The following TMEM67 variants were observed in gnomAD, a reference collection of about 807,000 sequenced individuals.
TMEM67 encodes the protein transmembrane protein 67.
Under a neutral mutation model 136.6 loss-of-function variants are expected in TMEM67, and 124 were observed. The ratio of observed to expected loss-of-function variants is 0.91; its 90% confidence interval spans 0.78 to 1.05. The LOEUF (loss-of-function observed/expected upper bound fraction) is 1.05. TMEM67 is among the 50% of genes least tolerant of loss of function. TMEM67 has a pLI of 0.00. For missense variants in TMEM67, 1,107 were observed against 1,178.4 expected, an observed-to-expected ratio of 0.94 and a Z score of 0.89; for synonymous variants, 364 against 390.5, an observed-to-expected ratio of 0.93 and a Z score of 0.80.
At chr8:93,819,505 C>CAT (rs1393567209), downstream of TMEM67, among the ~76,000 whole-genome samples, 1 of 152,144 alleles carries the variant, frequency 6.6e-6, no homozygotes, top group East Asian at 1.9e-4. Context: ...CCCAGCCCCT[C>CAT]AGAAGGGTCT....
rs1813040107 is a variant in TMEM67, at chr8:93,765,459, C to T, written c.560C>T (p.Ser187Leu). The change falls in exon 5 of 28, where the codon TCA (serine) becomes TTA (leucine). Residue 187 changes from serine to leucine, a missense_variant. By Grantham distance (145) the Ser-to-Leu change is moderately radical (BLOSUM62 -2). This residue lies in a region of TMEM67 where 925 missense variants were observed against 1,002.4 expected (regional missense o/e 0.92). Coordinates refer to ENST00000453321, the MANE Select transcript of TMEM67 (RefSeq NM_153704.6). ...AATACCAGCAGGTCCTGTGCATGTT[C>T]AGAACCTAACATTTTAGTAAGGCTA... ...FVNTSRSCAC[S>L]EPNILTGGLC... 6.2e-7 allele frequency: 1 copy of T among 1,611,990 alleles called. No individual in the cohort carries two copies. Among genetic ancestry groups the T allele is most frequent in the Non-Finnish European group, 8.5e-7 (1 of 1,179,696 alleles).
At chr8:93,819,203 C>G (rs1809002960), downstream of TMEM67, 1 of 439,062 alleles carries the variant, frequency 2.3e-6, no homozygotes, top group African/African-American at 2.1e-5. Context: ...ATATTTTTTT[C>G]TTGCTAATAA....
chr8:93,777,624 C>T (rs1319066591), intron 7 of TMEM67, among the ~76,000 whole-genome samples: 1 of 152,158 alleles, frequency 6.6e-6, no homozygotes, highest in Non-Finnish European at 1.5e-5. Context: ...AGTAGTCATT[C>T]AGGAGCAAGT....
intron 14 of TMEM67, among the ~76,000 whole-genome samples, chr8:93,789,276 A>G (rs1329982940): frequency 6.6e-6 from 1 of 152,146 alleles, no homozygotes; most frequent in Non-Finnish European, 1.5e-5. Context: ...AAGACTTTCC[A>G]TCCTCATTTG....
At chr8:93,755,422 A>G (rs1053129372) in intron 1 of TMEM67, among the ~76,000 whole-genome samples, 3 of 152,244 alleles carry the variant, frequency 2.0e-5, no homozygotes, top group Non-Finnish European at 1.5e-5. Flanking sequence ...TGGTAGCAGC[A>G]TAATACCAGC....
rs1377461076 is a variant in TMEM67 at position 93,808,937 on chromosome 8, T to C, written c.2537T>C (p.Ile846Thr). ...CAGATGAGACAACATTATGACAGAA[T>C]TCATGAGACACTAATAAGGGTTTGT... is the stretch of plus-strand genomic sequence containing the variant. ...SNQMRQHYDR[I>T]HETLIRKNGP... The change falls in exon 24 of 28, where the codon ATT becomes ACT. Residue 846 changes from isoleucine (I) to threonine (T), a missense_variant. Coordinates refer to ENST00000453321, the MANE Select transcript of TMEM67 (RefSeq NM_153704.6). 6.2e-7 allele frequency: 1 copy of C among 1,605,962 alleles called. No individual in the cohort carries two copies. Among genetic ancestry groups the C allele is most frequent in the Non-Finnish European group, 8.5e-7 (1 of 1,172,908 alleles).
At chr8:93,793,452 T>C (rs1365878513) in intron 16 of TMEM67, among the ~76,000 whole-genome samples, 156 bp downstream of exon 16, 4 of 152,228 alleles carry the variant, frequency 2.6e-5, no homozygotes, top group Non-Finnish European at 5.9e-5. Flanking sequence ...GGTATATGTG[T>C]ACCTCATTTT....
At chr8:93,795,036 C>T (rs1814545659) in intron 16 of TMEM67, 1 of 262,814 alleles carries the variant, frequency 3.8e-6, no homozygotes, top group South Asian at 5.2e-5. Context: ...AGGAGTTGTT[C>T]ATTTTTAACA....
intron 15 of TMEM67, among the ~76,000 whole-genome samples, chr8:93,792,435 A>G (rs1209142808): frequency 3.3e-5 from 5 of 152,000 alleles, no homozygotes; most frequent in South Asian, 2.1e-4. Context: ...CGGCCTCCCA[A>G]AATGCTGGGA....
intron 3 of TMEM67, among the ~76,000 whole-genome samples, chr8:93,762,339 C>T (rs1812881111): frequency 6.7e-6 from 1 of 150,306 alleles, no homozygotes; most frequent in African/African-American, 2.5e-5. Flanking sequence ...ATTATCTTTA[C>T]CTTTTTTTTT....
chr8:93,814,438 A>G (rs7002647), intron 26 of TMEM67, among the ~76,000 whole-genome samples: 2,685 of 148,602 alleles, frequency 0.018, 80 homozygotes, highest in African/African-American at 0.061. Context: ...CCTAATGGAA[A>G]GATCTATAGC....
intron 6 of TMEM67, among the ~76,000 whole-genome samples, chr8:93,770,573 C>T (rs1813285623): frequency 1.3e-5 from 2 of 152,046 alleles, no homozygotes; most frequent in Admixed American, 6.6e-5. Flanking sequence ...TGGTTTTTCC[C>T]CTCTGTATTT....
intron 23 of TMEM67, 71 bp downstream of exon 23, chr8:93,804,949 T>TA (rs891126582): frequency 0.012 from 9,538 of 821,432 alleles, 2 homozygotes; most frequent in East Asian, 0.016. Flanking sequence ...GGATTTGTTT[T>TA]AAAAAAAAAA....
chr8:93,780,598 T>C lies in TMEM67; in HGVS notation c.720T>C (p.Tyr240=). ...LQSSAAACWV[Y]ANLTSCQALG... ...TTGCCATTGTTCTGTTGTAGGTATA[T>C]GCCAATCTAACATCTTGTCAAGCTC... The change falls in exon 8 of 28, where the codon TAT becomes TAC. Residue 240 remains tyrosine, a synonymous_variant. Coordinates refer to ENST00000453321, the MANE Select transcript of TMEM67 (RefSeq NM_153704.6). 4 of 1,614,124 alleles carry C rather than the reference T, an allele frequency of 2.5e-6. No individual in the cohort carries two copies. Among genetic ancestry groups the C allele is most frequent in the South Asian group, 1.1e-5 (1 of 91,082 alleles).
At position 93,797,357 on chromosome 8, in the gene TMEM67, G is replaced by C. The variant is rs1397268564; in HGVS notation, c.1987G>C (p.Val663Leu). ...EGEGGVRSATVPVSIWRTYFV... is the reference protein window; with the variant it reads ...EGEGGVRSATLPVSIWRTYFV... ...TGAGGGTGGTGTACGAAGTGCCACT[G>C]TTCCTGTAAGCATATGGAGAACATA... Residue 663 changes from valine to leucine, a missense_variant, in exon 20 of 28, where the codon GTT (valine) becomes CTT (leucine). This residue lies in a region of TMEM67 where 925 missense variants were observed against 1,002.4 expected (regional missense o/e 0.92). Transcript: ENST00000453321. 6.2e-7 allele frequency: 1 copy of C among 1,614,146 alleles called. No individual in the cohort carries two copies. The highest frequency in any genetic ancestry group is 1.7e-5 in the Admixed American group (1 of 60,030).
At chr8:93,762,377 G>A (rs1420071168) in intron 3 of TMEM67, among the ~76,000 whole-genome samples, 5 of 58,036 alleles carry the variant, frequency 8.6e-5, no homozygotes, top group Non-Finnish European at 1.8e-4. Context: ...TTTTTTTTTT[G>A]TGGTGATGGG....
intron 4 of TMEM67, among the ~76,000 whole-genome samples, chr8:93,764,704 CT>C (rs1257278545): frequency 6.6e-6 from 1 of 152,122 alleles, no homozygotes; most frequent in African/African-American, 2.4e-5. Context: ...GTTGGATCAT[CT>C]TTTCTCTAAG....
chr8:93,809,211 A>G, intron 25 of TMEM67, 50 bp downstream of exon 25: 1 of 1,117,684 alleles, frequency 8.9e-7, no homozygotes, highest in Non-Finnish European at 1.4e-6. Flanking sequence ...GCAATTTTTA[A>G]AAAGTTAAGT....
intron 6 of TMEM67, among the ~76,000 whole-genome samples, chr8:93,770,386 A>G (rs1813277365): frequency 6.6e-6 from 1 of 152,208 alleles, no homozygotes; most frequent in Non-Finnish European, 1.5e-5. Flanking sequence ...TTAACATAAT[A>G]GAATTAACTG....
Sources: gnomAD v4.1 joint callset for allele counts (sites outside exome capture counted in the v4.1 genomes callset) on GRCh38, gnomAD v4.1.1 for gene constraint, gnomAD v4.1.1 regional missense constraint, MANE v1.5 for transcripts, NCBI Gene and HGNC (gene_info 2026-07-23, HGNC 2026-07-21) for gene names.